Variants in NEK7 observed in about 807,000 individuals in gnomAD.
The protein encoded by NEK7 is NIMA related kinase 7, also known as serine/threonine-protein kinase Nek7.
In NEK7, 18 loss-of-function variants were observed where a neutral mutation model predicts 44.6. That is an observed-to-expected ratio of 0.40 (90% CI 0.28 to 0.60). The LOEUF is 0.60. Ranked by LOEUF, NEK7 falls within the 20% of genes least tolerant of loss-of-function variation. The pLI, the probability that NEK7 is intolerant of heterozygous loss-of-function variation, is 0.38. For missense variants in NEK7, 256 were observed against 366.5 expected, an observed-to-expected ratio of 0.70 and a Z score of 2.46; for synonymous variants, 130 against 121.1, an observed-to-expected ratio of 1.07 and a Z score of -0.48.
chr1:198,198,072 C>A, intron 1 of NEK7: 1 of 1,455,508 alleles, frequency 6.9e-7, no homozygotes, highest in Non-Finnish European at 9.2e-7. Context: ...AGAAAGGGGC[C>A]TTGGGGAAAG....
At chr1:198,307,382 T>C (rs1010336027) in intron 9 of NEK7, among the ~76,000 whole-genome samples, 5 of 152,136 alleles carry the variant, frequency 3.3e-5, no homozygotes, top group African/African-American at 1.2e-4. Context: ...AAAGGCACTT[T>C]GTCAGCAGGA....
At chr1:198,192,441 A>G (rs1317593) in intron 1 of NEK7, among the ~76,000 whole-genome samples, 15,092 of 151,662 alleles carry the variant, frequency 0.1, 1,046 homozygotes, top group South Asian at 0.25. Flanking sequence ...GTGGAAATTG[A>G]TTAGATATGG....
chr1:198,288,245 A>T (rs915805677), intron 7 of NEK7, among the ~76,000 whole-genome samples: 1 of 152,160 alleles, frequency 6.6e-6, no homozygotes, highest in African/African-American at 2.4e-5. Context: ...TTAACTTTCA[A>T]TCCCTTCTTA....
chr1:198,194,299 C>CT lies in NEK7; in HGVS notation c.-29+37036dup, dbSNP rs530096391. On this transcript the variant is annotated intron_variant, in intron 1 of 9. Coordinates refer to ENST00000367385, the MANE Select transcript of NEK7 (RefSeq NM_133494.3). ...AGCTTTTTGCATTTTCTTTTTCTTT[C>CT]TTTTTTTTTTTTTAAGTTCGGGGCA... Among the ~76,000 whole-genome samples, 142 of 132,090 alleles carry CT rather than the reference C, an allele frequency of 1.1e-3. No individual in the cohort carries two copies. In the South Asian group the frequency reaches 0.012, roughly 11 times the overall value. 86.7% of individuals were successfully genotyped at this position (132,090 alleles called of 152,430 possible).
rs1663962334 is a variant in NEK7, at chr1:198,157,866, G to C, written c.-29+590G>C. 2.6e-5 allele frequency among the ~76,000 whole-genome samples: 4 copies of C among 152,144 alleles called. No homozygotes were observed. In the South Asian group the frequency reaches 6.2e-4, roughly 24 times the overall value. The stretch of plus-strand genomic sequence containing the variant: ...CGGGATTACAAAATGTCGGAGAGAG[G>C]GATTGCGAGGCAATAGCGAACATTG... On this transcript the variant is annotated intron_variant, in intron 1 of 9. Coordinates refer to ENST00000367385, the MANE Select transcript of NEK7 (RefSeq NM_133494.3).
intron 1 of NEK7, among the ~76,000 whole-genome samples, chr1:198,209,140 G>GTT (rs1665692091): frequency 1.1e-5 from 1 of 88,900 alleles, no homozygotes; most frequent in Admixed American, 1.5e-4. Context: ...ACATATGTAT[G>GTT]TGTATATATA....
intron 7 of NEK7, among the ~76,000 whole-genome samples, chr1:198,281,475 C>G (rs966965533): frequency 4.6e-5 from 7 of 151,850 alleles, no homozygotes; most frequent in Admixed American, 6.6e-5. Flanking sequence ...TTCAGTGAAA[C>G]TATAAATAAA....
intron 2 of NEK7, among the ~76,000 whole-genome samples, chr1:198,243,931 C>G (rs538986204): frequency 6.1e-5 from 7 of 115,262 alleles, no homozygotes; most frequent in African/African-American, 3.2e-4. Context: ...CCAGTGAAGT[C>G]TGTAGAAAAT....
chr1:198,232,511 T>C, intron 1 of NEK7, 42 bp from the exon 2 acceptor site: 1 of 879,668 alleles, frequency 1.1e-6, no homozygotes, highest in Admixed American at 1.8e-5. Flanking sequence ...TGTGAATTGG[T>C]AATGATTACA....
At chr1:198,240,004 A>C (rs572917744) in intron 2 of NEK7, among the ~76,000 whole-genome samples, 71 of 152,358 alleles carry the variant, frequency 4.7e-4, no homozygotes, top group Admixed American at 9.1e-4. Flanking sequence ...CTAAACCTAG[A>C]AAAAGTACAG....
At chr1:198,285,372 C>T (rs1654335708) in intron 7 of NEK7, among the ~76,000 whole-genome samples, 1 of 152,100 alleles carries the variant, frequency 6.6e-6, no homozygotes, top group African/African-American at 2.4e-5. Flanking sequence ...GATTATGCTG[C>T]AAGAAGAAAC....
At chr1:198,239,294 T>C (rs759130866) in intron 2 of NEK7, among the ~76,000 whole-genome samples, 1 of 152,218 alleles carries the variant, frequency 6.6e-6, no homozygotes, top group African/African-American at 2.4e-5. Context: ...CTGGTCTCCT[T>C]TGATTCCTCT....
chr1:198,236,166 A>ATAT (rs1424386686), intron 2 of NEK7, among the ~76,000 whole-genome samples: 5 of 152,140 alleles, frequency 3.3e-5, no homozygotes, highest in Non-Finnish European at 7.3e-5. Flanking sequence ...CTTGATAACT[A>ATAT]TATTACCTTC....
intron 7 of NEK7, among the ~76,000 whole-genome samples, chr1:198,281,075 A>G (rs553180155): frequency 4.6e-5 from 7 of 152,054 alleles, no homozygotes; most frequent in African/African-American, 1.7e-4. Flanking sequence ...ACAAATAATT[A>G]AAATTTGGAC....
At chr1:198,250,358 T>C (rs545703477) in intron 2 of NEK7, among the ~76,000 whole-genome samples, 3 of 152,202 alleles carry the variant, frequency 2.0e-5, no homozygotes, top group African/African-American at 4.8e-5. Flanking sequence ...GACTTGGCGA[T>C]GCGGGCTCTT....
chr1:198,238,554 C>T (rs1214245457), intron 2 of NEK7, among the ~76,000 whole-genome samples: 1 of 152,210 alleles, frequency 6.6e-6, no homozygotes, highest in African/African-American at 2.4e-5. Context: ...TTATTGTGCT[C>T]TTAAAATGTA....
chr1:198,198,532 T>A (rs1665313106), intron 1 of NEK7, among the ~76,000 whole-genome samples: 1 of 152,212 alleles, frequency 6.6e-6, no homozygotes, highest in Non-Finnish European at 1.5e-5. Flanking sequence ...CATGTCGCTA[T>A]GTAAAGTCTC....
intron 7 of NEK7, among the ~76,000 whole-genome samples, chr1:198,291,836 A>G (rs985390735): frequency 6.6e-6 from 1 of 152,084 alleles, no homozygotes; most frequent in Non-Finnish European, 1.5e-5. Flanking sequence ...TCTTTTGGCA[A>G]ACTGACTCCT....
intron 1 of NEK7, chr1:198,207,147 A>G (rs1435361127): frequency 1.3e-5 from 2 of 152,178 alleles, no homozygotes; most frequent in African/African-American, 2.4e-5. Context: ...TATGATATCC[A>G]GTATTTTTGA....
Sources: allele counts gnomAD v4.1 joint callset (sites outside exome capture counted in the v4.1 genomes callset), GRCh38; gene constraint gnomAD v4.1.1; transcripts MANE v1.5; gene names NCBI Gene and HGNC (gene_info 2026-07-23, HGNC 2026-07-21).